Variants in LIN7A observed in about 807,000 individuals in gnomAD.
The protein encoded by LIN7A is lin-7 cell polarity scaffold A, also known as protein lin-7 homolog A.
A neutral mutation model predicts 29.8 loss-of-function variants in LIN7A; 25 were observed. The observed-to-expected ratio is 0.84, with a 90% CI of 0.61 to 1.17. The LOEUF (loss-of-function observed/expected upper bound fraction) is 1.17. LIN7A is among the 50% of genes most tolerant of loss of function. The pLI is 0.00. For missense variants in LIN7A, 239 were observed against 287.0 expected (o/e 0.83, Z 1.21); for synonymous variants, 118 against 107.5 (o/e 1.10, Z -0.60).
intron 1 of LIN7A, chr12:80,935,757 A>C (rs2682818): frequency 0.82 from 412,464 of 500,570 alleles, 171,423 homozygotes; most frequent in Admixed American, 0.92. Flanking sequence ...CACAGGGTAA[A>C]CCTGCTTGTC....
chr12:80,886,153 A>G (rs1233991234), intron 2 of LIN7A, among the ~76,000 whole-genome samples: 1 of 152,092 alleles, frequency 6.6e-6, no homozygotes, highest in Non-Finnish European at 1.5e-5. Context: ...AAAAACTCAG[A>G]TAACCACAAA....
chr12:80,923,426 T>C (rs1316511969), intron 1 of LIN7A, among the ~76,000 whole-genome samples: 5 of 152,172 alleles, frequency 3.3e-5, no homozygotes, highest in African/African-American at 1.2e-4. Flanking sequence ...CCCTGCCTAA[T>C]ACACTGTCTA....
intron 4 of LIN7A, among the ~76,000 whole-genome samples, chr12:80,821,644 G>A (rs77371372): frequency 6.6e-6 from 1 of 152,148 alleles, no homozygotes; most frequent in Non-Finnish European, 1.5e-5. Context: ...CAGCTACAGT[G>A]GGGGAGGTGC....
In LIN7A at chr12:80,822,167, G is replaced by C. The variant is rs961628467; in HGVS notation, c.484-10484C>G. On this transcript the variant is annotated intron_variant, in intron 4 of 5. Coordinates refer to ENST00000552864, the MANE Select transcript of LIN7A (RefSeq NM_004664.4). ...ATGGCAGAAAGCAAGAAGGCGCAAA[G>C]CTACATGGCAGCAGGCAAAGAGAAT... is the stretch of plus-strand genomic sequence containing the variant. 8.3e-4 allele frequency among the ~76,000 whole-genome samples: 127 copies of C among 152,338 alleles called. 1 individual carries two copies. The highest frequency in any genetic ancestry group is 2.9e-3 in the African/African-American group (121 of 41,578).
chr12:80,819,363 A>G (rs1386304206), intron 4 of LIN7A, among the ~76,000 whole-genome samples: 2 of 152,182 alleles, frequency 1.3e-5, no homozygotes, highest in Non-Finnish European at 2.9e-5. Context: ...AATGTATTAA[A>G]AGTATCACAT....
At chr12:80,867,817 C>T (rs1009321632) in intron 2 of LIN7A, among the ~76,000 whole-genome samples, 2 of 152,162 alleles carry the variant, frequency 1.3e-5, no homozygotes, top group African/African-American at 2.4e-5. Context: ...AGCCCAATAT[C>T]ACTAAACATC....
chr12:80,816,335 C>T (rs889699544), intron 4 of LIN7A, among the ~76,000 whole-genome samples: 1 of 151,706 alleles, frequency 6.6e-6, no homozygotes, highest in Non-Finnish European at 1.5e-5. Flanking sequence ...GGCTTGAACC[C>T]AGGAGGTCGG....
chr12:80,888,384 G>A (rs1354355068), intron 2 of LIN7A, among the ~76,000 whole-genome samples: 1 of 152,130 alleles, frequency 6.6e-6, no homozygotes, highest in East Asian at 1.9e-4. Context: ...TTAGCCACAA[G>A]AAGAGTTGTA....
chr12:80,867,849 C>T (rs780267152), intron 2 of LIN7A, among the ~76,000 whole-genome samples: 7 of 152,148 alleles, frequency 4.6e-5, no homozygotes, highest in Admixed American at 1.3e-4. Flanking sequence ...ATTTGTGCCT[C>T]GCTAGTAGTA....
At chr12:80,933,623 T>G (rs935807956) in intron 1 of LIN7A, among the ~76,000 whole-genome samples, 1 of 152,190 alleles carries the variant, frequency 6.6e-6, no homozygotes, top group African/African-American at 2.4e-5. Flanking sequence ...CTACCAACTT[T>G]ACACATCCCA....
At chr12:80,927,648 C>T (rs528010612) in intron 1 of LIN7A, among the ~76,000 whole-genome samples, 22 of 152,274 alleles carry the variant, frequency 1.4e-4, no homozygotes, top group Admixed American at 6.5e-4. Context: ...ATAAACTTAG[C>T]GCCCTAACTA....
chr12:80,808,846 A>G (rs2121512374), intron 5 of LIN7A, among the ~76,000 whole-genome samples: 1 of 152,228 alleles, frequency 6.6e-6, no homozygotes, highest in African/African-American at 2.4e-5. Flanking sequence ...AATTTTAGAT[A>G]AAGATACTAA....
chr12:80,892,797 G>A (rs1875693175), intron 1 of LIN7A, among the ~76,000 whole-genome samples: 1 of 152,130 alleles, frequency 6.6e-6, no homozygotes, highest in Non-Finnish European at 1.5e-5. Context: ...AAGCCCTTCA[G>A]GCGATGCTAA....
rs528441890 is a variant in LIN7A at position 80,923,546 on chromosome 12, A to G, written c.82+14095T>C. Reference sequence around the variant, plus strand: ...TAATTGTGCTGGACCTTAAAAATATATTACATTTTTAAATTGCTTTACCAA... The same window carrying G: ...TAATTGTGCTGGACCTTAAAAATATGTTACATTTTTAAATTGCTTTACCAA... On this transcript the variant is annotated intron_variant, in intron 1 of 5. Transcript: ENST00000552864. Among the ~76,000 whole-genome samples the G allele has an allele frequency of 2.0e-4, 31 of 152,286 alleles. 1 individual carries two copies. The highest frequency in any genetic ancestry group is 7.0e-4 in the African/African-American group (29 of 41,554).
chr12:80,927,224 T>G (rs759181661), intron 1 of LIN7A, among the ~76,000 whole-genome samples: 4 of 135,828 alleles, frequency 2.9e-5, no homozygotes, highest in South Asian at 2.5e-4. Flanking sequence ...TGCAGTGGCG[T>G]GATCTCGGCT....
chr12:80,805,800 G>A (rs1226127148), intron 5 of LIN7A, among the ~76,000 whole-genome samples: 1 of 151,908 alleles, frequency 6.6e-6, no homozygotes, highest in African/African-American at 2.4e-5. Context: ...GAATCATGGT[G>A]GCTGGTCTTT....
At position 80,793,324 on chromosome 12, in the gene LIN7A, C is replaced by T. The variant is rs1870293590; in HGVS notation, c.*4403G>A. The T allele has an allele frequency of 1.3e-5, 2 of 152,182 alleles. No individual in the cohort carries two copies. The highest frequency in any genetic ancestry group is 2.4e-5 in the African/African-American group (1 of 41,438). The allele number at this position is 152,182 out of a possible 1,614,324, so 9.4% of individuals were successfully genotyped here. ...TGTTAGTTATGAATAAATTACTTAC[C>T]TACCTCACTGGGGTATAACCGTGGT... On this transcript the variant is annotated 3_prime_UTR_variant, in exon 6 of 6. Transcript: ENST00000552864.
At chr12:80,819,807 A>C (rs1871708496) in intron 4 of LIN7A, among the ~76,000 whole-genome samples, 1 of 152,224 alleles carries the variant, frequency 6.6e-6, no homozygotes. Flanking sequence ...GGATTTACAA[A>C]GCGTCCAACA....
intron 4 of LIN7A, among the ~76,000 whole-genome samples, chr12:80,820,152 G>A (rs1031628111): frequency 2.6e-5 from 4 of 152,084 alleles, no homozygotes; most frequent in African/African-American, 9.7e-5. Flanking sequence ...ACAATGTCGC[G>A]CTCTGTTAGG....
Sources: allele counts gnomAD v4.1 joint callset (sites outside exome capture counted in the v4.1 genomes callset), GRCh38; gene constraint gnomAD v4.1.1; transcripts MANE v1.5; gene names NCBI Gene and HGNC (gene_info 2026-07-23, HGNC 2026-07-21).